Variants in ALPK1 observed in about 807,000 individuals in gnomAD.
ALPK1 encodes the protein alpha kinase 1.
A neutral mutation model predicts 120.6 loss-of-function variants in ALPK1; 110 were observed. The observed-to-expected ratio is 0.91, with a 90% CI of 0.78 to 1.07. The LOEUF (loss-of-function observed/expected upper bound fraction) is 1.07. ALPK1 is among the 50% of genes least tolerant of loss of function. The pLI is 0.00. For missense variants in ALPK1, 1,498 were observed against 1,483.9 expected (o/e 1.01, Z -0.16); for synonymous variants, 582 against 560.3 (o/e 1.04, Z -0.55).
At chr4:112,364,383 A>G (rs1454585973) in intron 2 of ALPK1, among the ~76,000 whole-genome samples, 1 of 152,086 alleles carries the variant, frequency 6.6e-6, no homozygotes, top group Admixed American at 6.5e-5. Flanking sequence ...GGAAGATACT[A>G]CAACTGATAC....
At chr4:112,333,567 A>G (rs996701971) in intron 2 of ALPK1, among the ~76,000 whole-genome samples, 1 of 152,158 alleles carries the variant, frequency 6.6e-6, no homozygotes. Context: ...CAGCCAACCA[A>G]CTGAACAAAT....
intron 2 of ALPK1, among the ~76,000 whole-genome samples, chr4:112,334,052 C>T (rs561035055): frequency 1.2e-4 from 18 of 152,092 alleles, no homozygotes; most frequent in African/African-American, 3.9e-4. Context: ...ATGTATAGTA[C>T]TGTGTAACGA....
intron 2 of ALPK1, among the ~76,000 whole-genome samples, chr4:112,370,905 G>T (rs1731377975): frequency 6.6e-6 from 1 of 152,304 alleles, no homozygotes; most frequent in South Asian, 2.1e-4. Context: ...TATTGTGGAT[G>T]ATATGATTTA....
At chr4:112,353,424 A>C (rs1015523518) in intron 2 of ALPK1, among the ~76,000 whole-genome samples, 1 of 152,220 alleles carries the variant, frequency 6.6e-6, no homozygotes, top group Non-Finnish European at 1.5e-5. Flanking sequence ...TAGAGTATAT[A>C]CTTAAGAGTG....
intron 2 of ALPK1, among the ~76,000 whole-genome samples, chr4:112,349,550 T>TTCCCCCCCCCACCCCCC (rs1560647754): frequency 1.5e-5 from 1 of 65,056 alleles, no homozygotes; most frequent in Non-Finnish European, 2.8e-5. Context: ...CCCCAACCCC[T>TTCCCCCCCCCACCCCCC]GCCCCCCCCC....
At chr4:112,349,535 T>G in intron 2 of ALPK1, among the ~76,000 whole-genome samples, 1 of 136,744 alleles carries the variant, frequency 7.3e-6, no homozygotes, top group Admixed American at 7.6e-5. Context: ...ATCCTATTAT[T>G]ACCGCCCCAA....
In ALPK1 at chr4:112,441,905, A is replaced by G. The variant is rs1333239259; in HGVS notation, c.*695A>G. On this transcript the variant is annotated 3_prime_UTR_variant, in exon 16 of 16. Coordinates refer to ENST00000650871, the MANE Select transcript of ALPK1 (RefSeq NM_025144.4). The stretch of plus-strand genomic sequence containing the variant: ...AAAGAAAATGTGGTACATATACACC[A>G]TGGAACACTATGTGTATTAATCCAC... 1 of 152,354 alleles carries G rather than the reference A, an allele frequency of 6.6e-6. No individual in the cohort carries two copies. The highest frequency in any genetic ancestry group is 2.4e-5 in the African/African-American group (1 of 41,440). 9.4% of individuals were successfully genotyped at this position (152,354 alleles called of 1,614,324 possible).
At chr4:112,402,425 T>G (rs1303990409) in intron 4 of ALPK1, among the ~76,000 whole-genome samples, 1 of 152,244 alleles carries the variant, frequency 6.6e-6, no homozygotes, top group Non-Finnish European at 1.5e-5. Flanking sequence ...CTTGCTGCTG[T>G]TTAGCAAGAG....
intron 1 of ALPK1, among the ~76,000 whole-genome samples, chr4:112,311,223 T>C (rs755832536): frequency 2.6e-5 from 4 of 152,176 alleles, no homozygotes; most frequent in Non-Finnish European, 5.9e-5. Context: ...AGCAGCCCCC[T>C]TCCCCCACCC....
intron 2 of ALPK1, among the ~76,000 whole-genome samples, chr4:112,331,464 G>C (rs1359100175): frequency 6.6e-6 from 1 of 152,094 alleles, no homozygotes; most frequent in African/African-American, 2.4e-5. Flanking sequence ...TTTCAGCTCT[G>C]TCTTTGAATT....
chr4:112,412,295 A>G, intron 5 of ALPK1: 1 of 603,410 alleles, frequency 1.7e-6, no homozygotes, highest in Non-Finnish European at 3.1e-6. Flanking sequence ...TTGTCTTCTA[A>G]CAAATCTGTC....
Position 112,313,597 on chromosome 4 carries a change from C to T in ALPK1, c.-152-2204C>T, listed in dbSNP as rs778044263. 9.9e-5 allele frequency among the ~76,000 whole-genome samples: 15 copies of T among 152,158 alleles called. 1 individual carries two copies. Among genetic ancestry groups the T allele is most frequent in the Non-Finnish European group, 1.9e-4 (13 of 68,030 alleles). On this transcript the variant is annotated intron_variant, in intron 1 of 15. Transcript: ENST00000650871. ...AATTAGTCGGATATGGTGGCAAATGCCTGTAATCCCAGCTACTTGGGAGGC... is the reference window on the plus strand; with the variant it reads ...AATTAGTCGGATATGGTGGCAAATGTCTGTAATCCCAGCTACTTGGGAGGC...
intron 2 of ALPK1, among the ~76,000 whole-genome samples, chr4:112,325,712 A>G (rs781191606): frequency 6.6e-6 from 1 of 152,196 alleles, no homozygotes; most frequent in Non-Finnish European, 1.5e-5. Context: ...CCACTGCTGT[A>G]GTATCACTGC....
chr4:112,338,116 G>A (rs1299546635), intron 2 of ALPK1, among the ~76,000 whole-genome samples: 1 of 152,032 alleles, frequency 6.6e-6, no homozygotes. Flanking sequence ...ACAGACGCAC[G>A]CCACCATGCC....
chr4:112,365,432 A>G (rs945330707), intron 2 of ALPK1, among the ~76,000 whole-genome samples: 2 of 152,248 alleles, frequency 1.3e-5, no homozygotes, highest in African/African-American at 4.8e-5. Flanking sequence ...GCTGACATTC[A>G]AATTGAGAAC....
In ALPK1 at chr4:112,425,711, G is replaced by T. The variant is rs148738985; in HGVS notation, c.582G>T (p.Ser194=). The T allele has an allele frequency of 6.2e-7, 1 of 1,612,962 alleles. No homozygotes were observed. Among genetic ancestry groups the T allele is most frequent in the Admixed American group, 1.7e-5 (1 of 59,966 alleles). ...AAAGTGACAAGGTCCTGGTGCAGTC[G>T]GTCTGTATACAGATCAGAGGGCAGA... ...RNESDKVLVQ[S]VCIQIRGQIL... is the part of the protein sequence containing the mutation. Residue 194 remains serine (S), a synonymous_variant, in exon 7 of 16, where the codon TCG becomes TCT. Coordinates refer to ENST00000650871, the MANE Select transcript of ALPK1 (RefSeq NM_025144.4).
At chr4:112,379,872 C>T (rs1050875806) in intron 3 of ALPK1, among the ~76,000 whole-genome samples, 5 of 152,134 alleles carry the variant, frequency 3.3e-5, no homozygotes, top group Non-Finnish European at 7.3e-5. Context: ...CCTCACAGGA[C>T]ATTCTGACGT....
chr4:112,364,750 CA>C (rs1731066676), intron 2 of ALPK1, among the ~76,000 whole-genome samples: 1 of 151,786 alleles, frequency 6.6e-6, no homozygotes. Context: ...AAAGATATCA[CA>C]AAAAAAGAAA....
chr4:112,440,339 T>C (rs1317040020), intron 14 of ALPK1, among the ~76,000 whole-genome samples: 4 of 152,208 alleles, frequency 2.6e-5, no homozygotes, highest in Non-Finnish European at 5.9e-5. Context: ...TGACTACTTT[T>C]CAATTCTACC....
Sources: allele counts gnomAD v4.1 joint callset (sites outside exome capture counted in the v4.1 genomes callset), GRCh38; gene constraint gnomAD v4.1.1; transcripts MANE v1.5; gene names NCBI Gene and HGNC (gene_info 2026-07-23, HGNC 2026-07-21).